Variants in DPP10 observed in about 807,000 individuals in gnomAD.
The protein encoded by DPP10 is inactive dipeptidyl peptidase 10.
A neutral mutation model predicts 120.9 loss-of-function variants in DPP10; 33 were observed. The observed-to-expected ratio is 0.27, with a 90% CI of 0.21 to 0.37. The LOEUF is 0.37. Ranked by LOEUF, DPP10 falls within the 10% of genes least tolerant of loss-of-function variation. DPP10 has a pLI of 1.00. For missense variants in DPP10, 816 were observed against 942.8 expected, an observed-to-expected ratio of 0.87 and a Z score of 1.76; for synonymous variants, 337 against 326.1, an observed-to-expected ratio of 1.03 and a Z score of -0.36.
At chr2:114,972,557 T>C (rs555190985) in intron 1 of DPP10, among the ~76,000 whole-genome samples, 4 of 152,252 alleles carry the variant, frequency 2.6e-5, no homozygotes, top group African/African-American at 9.6e-5. Context: ...GGATGATGGA[T>C]CCATTGATTC....
At chr2:115,786,873 G>T (rs868523084) in intron 17 of DPP10, among the ~76,000 whole-genome samples, 10 of 152,184 alleles carry the variant, frequency 6.6e-5, no homozygotes, top group African/African-American at 1.4e-4. Flanking sequence ...CTGGAAGAGG[G>T]ATCACCCTGA....
intron 17 of DPP10, among the ~76,000 whole-genome samples, 171 bp from the exon 18 acceptor site, chr2:115,790,910 G>T (rs930965830): frequency 6.6e-6 from 1 of 152,128 alleles, no homozygotes; most frequent in Admixed American, 6.5e-5. Flanking sequence ...AGTTTTACTG[G>T]CCTAATGAAG....
At chr2:114,921,589 A>C (rs1471422767) in intron 1 of DPP10, among the ~76,000 whole-genome samples, 1 of 152,222 alleles carries the variant, frequency 6.6e-6, no homozygotes, top group Non-Finnish European at 1.5e-5. Flanking sequence ...GTCAAATTAA[A>C]ATGTGTAGAG....
intron 1 of DPP10, among the ~76,000 whole-genome samples, chr2:115,150,196 T>C (rs1017152220): frequency 2.6e-5 from 4 of 152,200 alleles, no homozygotes; most frequent in African/African-American, 9.6e-5. Flanking sequence ...AGGGGACTGC[T>C]TCAGTATCTC....
chr2:115,246,339 A>G (rs568678047), intron 1 of DPP10, among the ~76,000 whole-genome samples: 1 of 152,248 alleles, frequency 6.6e-6, no homozygotes, highest in South Asian at 2.1e-4. Flanking sequence ...GCTTTCCACC[A>G]ATGGAATTAC....
intron 1 of DPP10, among the ~76,000 whole-genome samples, chr2:114,762,026 T>A (rs1680325479): frequency 1.3e-5 from 2 of 152,066 alleles, no homozygotes; most frequent in African/African-American, 2.4e-5. Context: ...CCTGTCTCAT[T>A]TGAAGATTCA....
chr2:115,296,008 T>G (rs1401520061), intron 1 of DPP10, among the ~76,000 whole-genome samples: 1 of 152,124 alleles, frequency 6.6e-6, no homozygotes, highest in Non-Finnish European at 1.5e-5. Context: ...TCAAATGTGT[T>G]TGTTTCTATT....
At chr2:115,723,163 C>T (rs930483697) in intron 7 of DPP10, among the ~76,000 whole-genome samples, 9 of 152,092 alleles carry the variant, frequency 5.9e-5, no homozygotes, top group Admixed American at 2.0e-4. Context: ...TTCTAACCAC[C>T]CCCAGTAATA....
chr2:114,601,929 T>G (rs972309574), intron 1 of DPP10, among the ~76,000 whole-genome samples: 17 of 152,054 alleles, frequency 1.1e-4, no homozygotes, highest in Non-Finnish European at 2.2e-4. Flanking sequence ...TAAATGAGAT[T>G]GCACACTTAA....
intron 1 of DPP10, among the ~76,000 whole-genome samples, chr2:114,924,652 G>A (rs1352718109): frequency 6.6e-6 from 1 of 151,942 alleles, no homozygotes; most frequent in African/African-American, 2.4e-5. Context: ...AGAGTATAGT[G>A]TATTTCGGAA....
At chr2:115,596,568 T>G (rs1479000176) in intron 5 of DPP10, among the ~76,000 whole-genome samples, 1 of 152,192 alleles carries the variant, frequency 6.6e-6, no homozygotes, top group Non-Finnish European at 1.5e-5. Flanking sequence ...AGTCTCTTGA[T>G]TACCTGTTTT....
At chr2:115,621,103 G>A (rs2084913122) in intron 5 of DPP10, among the ~76,000 whole-genome samples, 1 of 152,168 alleles carries the variant, frequency 6.6e-6, no homozygotes, top group African/African-American at 2.4e-5. Context: ...CTTACATGAG[G>A]TTGTCAGGTC....
At chr2:115,090,689 A>ATTT (rs10650818) in intron 1 of DPP10, among the ~76,000 whole-genome samples, 41,594 of 151,754 alleles carry the variant, frequency 0.27, 6,069 homozygotes, top group South Asian at 0.37. Context: ...TTTCTGGACG[A>ATTT]TTTTTTTGGT....
At chr2:115,704,288 C>G (rs1054214388) in intron 7 of DPP10, among the ~76,000 whole-genome samples, 1 of 151,700 alleles carries the variant, frequency 6.6e-6, no homozygotes, top group Admixed American at 6.6e-5. Flanking sequence ...TACTTTCTCT[C>G]TTCTTCTCTG....
chr2:115,424,076 T>C (rs927447322), intron 3 of DPP10, among the ~76,000 whole-genome samples: 5 of 152,124 alleles, frequency 3.3e-5, no homozygotes, highest in African/African-American at 1.2e-4. Flanking sequence ...TCTATATAAC[T>C]TTCCTCCAAC....
chr2:114,919,754 G>C (rs1287857624), intron 1 of DPP10, among the ~76,000 whole-genome samples: 2 of 152,236 alleles, frequency 1.3e-5, no homozygotes, highest in South Asian at 2.1e-4. Context: ...TAGTTGACTG[G>C]CATAACTGAG....
At chr2:114,691,477 T>C (rs1029856372) in intron 1 of DPP10, among the ~76,000 whole-genome samples, 2 of 152,136 alleles carry the variant, frequency 1.3e-5, no homozygotes, top group Non-Finnish European at 2.9e-5. Flanking sequence ...CAGTATTTTA[T>C]TGAGGATTTT....
chr2:114,940,716 C>A (rs1193617409), intron 1 of DPP10, among the ~76,000 whole-genome samples: 1 of 151,986 alleles, frequency 6.6e-6, no homozygotes, highest in African/African-American at 2.4e-5. Flanking sequence ...AAACGTCAGG[C>A]TTTGATAATA....
chr2:115,126,602 G>A (rs1205516986), intron 1 of DPP10, among the ~76,000 whole-genome samples: 2 of 152,180 alleles, frequency 1.3e-5, no homozygotes, highest in Non-Finnish European at 2.9e-5. Flanking sequence ...GGTTTTACAT[G>A]AAATATATAT....
Sources: gnomAD v4.1 joint callset for allele counts (sites outside exome capture counted in the v4.1 genomes callset) on GRCh38, gnomAD v4.1.1 for gene constraint, MANE v1.5 for transcripts, NCBI Gene and HGNC (gene_info 2026-07-23, HGNC 2026-07-21) for gene names.